Variants in MEIS1 observed in about 807,000 individuals in gnomAD.
MEIS1 encodes Meis homeobox 1, also known as homeobox protein Meis1.
In MEIS1, 5 loss-of-function variants were observed where a neutral mutation model predicts 50.8. That is an observed-to-expected ratio of 0.10 (90% CI 0.05 to 0.21). MEIS1 has a LOEUF of 0.21. Ranked by LOEUF, MEIS1 falls within the 10% of genes least tolerant of loss-of-function variation. The pLI is 1.00. For missense variants in MEIS1, 318 were observed against 517.3 expected (o/e 0.61, Z 3.74); for synonymous variants, 176 against 179.3 (o/e 0.98, Z 0.15).
intron 6 of MEIS1, among the ~76,000 whole-genome samples, chr2:66,462,831 A>T (rs1372452348): frequency 6.6e-6 from 1 of 152,224 alleles, no homozygotes; most frequent in Admixed American, 6.5e-5. Context: ...AGTCAAACAT[A>T]CAAATGGCAT....
At chr2:66,489,381 A>G (rs567941709) in intron 7 of MEIS1, among the ~76,000 whole-genome samples, 2 of 152,220 alleles carry the variant, frequency 1.3e-5, no homozygotes, top group African/African-American at 4.8e-5. Flanking sequence ...TAGTTGAAAC[A>G]CTCTATATTT....
intron 7 of MEIS1, among the ~76,000 whole-genome samples, chr2:66,501,807 A>G (rs749970752): frequency 1.3e-5 from 2 of 152,194 alleles, no homozygotes. Flanking sequence ...CTTAATTTTT[A>G]TGAATGTAGA....
chr2:66,525,807 C>G (rs755253353), intron 8 of MEIS1, among the ~76,000 whole-genome samples: 3 of 152,214 alleles, frequency 2.0e-5, no homozygotes, highest in Admixed American at 6.5e-5. Flanking sequence ...ATCTTCATAG[C>G]TTCAGTGCTC....
intron 9 of MEIS1, among the ~76,000 whole-genome samples, chr2:66,564,827 CTCG>C (rs1279917822): frequency 1.3e-5 from 2 of 151,664 alleles, no homozygotes; most frequent in African/African-American, 4.9e-5. Context: ...CCCCCATTAA[CTCG>C]TCATTTACAT....
chr2:66,437,127 AG>A, intron 1 of MEIS1, among the ~76,000 whole-genome samples: 1 of 152,244 alleles, frequency 6.6e-6, no homozygotes, highest in South Asian at 2.1e-4. Flanking sequence ...TTCACTTATA[AG>A]GGGTCAGTTA....
At chr2:66,468,331 C>T (rs62143992) in intron 7 of MEIS1, among the ~76,000 whole-genome samples, 13,897 of 152,222 alleles carry the variant, frequency 0.091, 862 homozygotes, top group South Asian at 0.25. Flanking sequence ...TCCCCAAAGG[C>T]CTGCCACAGC....
At chr2:66,526,188 A>G (rs990302779) in intron 8 of MEIS1, among the ~76,000 whole-genome samples, 2 of 152,246 alleles carry the variant, frequency 1.3e-5, no homozygotes, top group Middle Eastern at 3.2e-3. Flanking sequence ...AGGAATTATT[A>G]TAAGTAGTGC....
In MEIS1 at chr2:66,567,532, G is replaced by A. The variant is rs376501802; in HGVS notation, c.1024+21G>A. The A allele has an allele frequency of 1.7e-5, 28 of 1,611,996 alleles. No homozygotes were observed. In the African/African-American group the frequency reaches 3.6e-4, roughly 21 times the overall value. On this transcript the variant is annotated intron_variant, in intron 10 of 12. Coordinates refer to ENST00000272369, the MANE Select transcript of MEIS1 (RefSeq NM_002398.3). ...AGCAGGCAAGTCCCCCATAGTGACT[G>A]TATTCAAGTCACGCAAGCGAAAACC...
At chr2:66,440,170 G>T (rs563158019) in intron 3 of MEIS1, 186 bp downstream of exon 3, 11 of 639,318 alleles carry the variant, frequency 1.7e-5, no homozygotes, top group Non-Finnish European at 2.9e-5. Flanking sequence ...TTTTCTCTCT[G>T]TCTGAGTGTC....
At chr2:66,468,813 C>G (rs1200587401) in intron 7 of MEIS1, among the ~76,000 whole-genome samples, 1 of 152,088 alleles carries the variant, frequency 6.6e-6, no homozygotes, top group African/African-American at 2.4e-5. Context: ...GGGTAATGTT[C>G]TGTTGGGGAG....
At chr2:66,564,007 T>C (rs923193962) in intron 9 of MEIS1, among the ~76,000 whole-genome samples, 15 of 152,194 alleles carry the variant, frequency 9.9e-5, no homozygotes, top group African/African-American at 3.6e-4. Context: ...CCCCAAATAA[T>C]TAGTTGTTCA....
At chr2:66,564,145 C>T (rs1369006741) in intron 9 of MEIS1, among the ~76,000 whole-genome samples, 1 of 152,048 alleles carries the variant, frequency 6.6e-6, no homozygotes, top group Non-Finnish European at 1.5e-5. Flanking sequence ...GCAGGTAGAC[C>T]TACTAATGTG....
rs189356944 is a variant in MEIS1 at position 66,551,128 on chromosome 2, A to G, written c.965+3109A>G. ...AATATATAATATGTAAGTGAAAAATATAAACTCATGTCTAGTTGTTAGAGT... is the reference window on the plus strand; with the variant it reads ...AATATATAATATGTAAGTGAAAAATGTAAACTCATGTCTAGTTGTTAGAGT... On this transcript the variant is annotated intron_variant, in intron 9 of 12. Coordinates refer to ENST00000272369, the MANE Select transcript of MEIS1 (RefSeq NM_002398.3). Among the ~76,000 whole-genome samples, 438 of 152,338 alleles carry G rather than the reference A, an allele frequency of 2.9e-3. 3 individuals are homozygous for G. The highest frequency in any genetic ancestry group is 4.1e-3 in the Non-Finnish European group (282 of 68,028).
At chr2:66,553,037 A>T (rs1180349670) in intron 9 of MEIS1, among the ~76,000 whole-genome samples, 3 of 152,216 alleles carry the variant, frequency 2.0e-5, no homozygotes, top group African/African-American at 7.2e-5. Flanking sequence ...AGGAAAACAG[A>T]TGTAAAAAAA....
intron 7 of MEIS1, among the ~76,000 whole-genome samples, chr2:66,487,027 A>T (rs1417461211): frequency 6.6e-6 from 1 of 152,194 alleles, no homozygotes. Context: ...ATATACAATC[A>T]TGTCATCTGC....
At chr2:66,515,739 A>G (rs1484395088) in intron 8 of MEIS1, among the ~76,000 whole-genome samples, 4 of 152,314 alleles carry the variant, frequency 2.6e-5, no homozygotes, top group South Asian at 2.1e-4. Flanking sequence ...AAAAGAAACT[A>G]TTCCCTGGAA....
chr2:66,524,946 G>T (rs1392183603), intron 8 of MEIS1, among the ~76,000 whole-genome samples: 1 of 152,156 alleles, frequency 6.6e-6, no homozygotes, highest in East Asian at 1.9e-4. Context: ...AGTGGTTCAT[G>T]CCTGTAATCC....
chr2:66,564,414 G>A (rs1675289791), intron 9 of MEIS1, among the ~76,000 whole-genome samples: 1 of 152,128 alleles, frequency 6.6e-6, no homozygotes, highest in Non-Finnish European at 1.5e-5. Flanking sequence ...GAGCAGGCCT[G>A]GAATAAATGT....
At position 66,564,104 on chromosome 2, in the gene MEIS1, T is replaced by C. The variant is rs1046434378; in HGVS notation, c.966-3349T>C. 5.9e-5 allele frequency among the ~76,000 whole-genome samples: 9 copies of C among 152,334 alleles called. 1 individual carries two copies. The highest frequency in any genetic ancestry group is 5.2e-4 in the Admixed American group (8 of 15,302). On this transcript the variant is annotated intron_variant, in intron 9 of 12. Transcript: ENST00000272369. ...AATGATATTTCATTATATTGAATTT[T>C]TTAAATTAAATGTTTCACAAGTAAG...
Sources: allele counts gnomAD v4.1 joint callset (sites outside exome capture counted in the v4.1 genomes callset), GRCh38; gene constraint gnomAD v4.1.1; transcripts MANE v1.5; gene names NCBI Gene and HGNC (gene_info 2026-07-23, HGNC 2026-07-21).